Variants in EVPL observed in about 807,000 individuals in gnomAD.
The protein encoded by EVPL is 210 kDa cornified envelope precursor protein.
EVPL carries 94 observed loss-of-function variants against 129.7 expected under a neutral mutation model. That is an observed-to-expected ratio of 0.72 (90% CI 0.61 to 0.86). The LOEUF is 0.86. EVPL is among the 40% of genes least tolerant of loss of function. The pLI, the probability that EVPL is intolerant of heterozygous loss-of-function variation, is 0.00. For synonymous variants in EVPL, 1,172 were observed against 1,191.1 expected (o/e 0.98, Z 0.33); for missense variants, 2,625 against 2,721.1 (o/e 0.96, Z 0.79).
chr17:76,023,337 G>C lies in EVPL; in HGVS notation c.435C>G (p.Asp145Glu), dbSNP rs757879048. ...ALYEKMVLPP[D>E]VGPRVDWARV... ...GTGCCCAGTCGACCCTGGGTCCCAC[G>C]TCGGGGGGCAGCACCATCTTCTCGT... The change falls in exon 4 of 22, where the codon GAC becomes GAG. Residue 145 changes from aspartate to glutamate, a missense_variant. Around this residue, in one of 4 missense-constraint regions of EVPL, gnomAD observed 1,024 missense variants for 997.5 expected, o/e 1.03. Transcript: ENST00000301607. 1 of 1,613,902 alleles carries C rather than the reference G, an allele frequency of 6.2e-7. No homozygotes were observed. The highest frequency in any genetic ancestry group is 2.2e-5 in the East Asian group (1 of 44,864).
At chr17:76,023,136 T>C (rs2066474078) in intron 4 of EVPL, among the ~76,000 whole-genome samples, 156 bp downstream of exon 4, 1 of 152,064 alleles carries the variant, frequency 6.6e-6, no homozygotes, top group South Asian at 2.1e-4. Flanking sequence ...CTGCAGGAAG[T>C]CTTCCCTGAC....
intron 9 of EVPL, among the ~76,000 whole-genome samples, chr17:76,020,846 C>T (rs2066452506): frequency 1.3e-5 from 2 of 152,054 alleles, no homozygotes; most frequent in South Asian, 4.1e-4. Flanking sequence ...TGTGAGCCAC[C>T]ACACCTGGCC....
Position 76,009,595 on chromosome 17 carries a change from G to C in EVPL, c.3610C>G (p.Pro1204Ala). ...ERVHEIFQVDPETEQEITRLK... is the reference protein window; with the variant it reads ...ERVHEIFQVDAETEQEITRLK... Reference sequence around the variant, plus strand: ...CGAGTGATCTCCTGCTCTGTCTCCGGATCCACCTGGAAGATCTCGTGGACG... The same window carrying C: ...CGAGTGATCTCCTGCTCTGTCTCCGCATCCACCTGGAAGATCTCGTGGACG... Residue 1204 changes from proline to alanine, a missense_variant, in exon 22 of 22, where the codon CCG becomes GCG. Physicochemically the swap from Pro to Ala is conservative, Grantham distance 27. Around this residue, in one of 4 missense-constraint regions of EVPL, gnomAD observed 1,453 missense variants for 1,511.8 expected, o/e 0.96. Transcript: ENST00000301607. The surrounding 1 kb of genome is among the most constrained non-coding windows in gnomAD (Gnocchi z 5.9). 6.2e-7 allele frequency: 1 copy of C among 1,613,998 alleles called. No homozygotes were observed. Among genetic ancestry groups the C allele is most frequent in the South Asian group, 1.1e-5 (1 of 91,076 alleles).
At position 76,007,278 on chromosome 17, in the gene EVPL, G is replaced by C; in HGVS notation, c.5927C>G (p.Ser1976Cys). The change falls in exon 22 of 22, where the codon TCC becomes TGC. Residue 1976 changes from serine (S) to cysteine (C), a missense_variant. Physicochemically the swap from Ser to Cys is moderately radical, Grantham distance 112 (BLOSUM62 -1). Around this residue, in one of 4 missense-constraint regions of EVPL, gnomAD observed 1,453 missense variants for 1,511.8 expected, o/e 0.96. Coordinates refer to ENST00000301607, the MANE Select transcript of EVPL (RefSeq NM_001988.4). This position sits in a 1 kb window ranked among gnomAD's most constrained non-coding sequence, Gnocchi z 8.8. Reference protein sequence around the residue: ...EELAQLLQDESSYEKDLTDPI... With the variant: ...EELAQLLQDECSYEKDLTDPI... ...GTCTGTCAAATCCTTCTCGTAGCTG[G>C]ACTCGTCCTGCAGGAGCTGGGCCAG... 3 of 1,557,810 alleles carry C rather than the reference G, an allele frequency of 1.9e-6. No homozygotes were observed. Among genetic ancestry groups the C allele is most frequent in the Non-Finnish European group, 2.6e-6 (3 of 1,150,192 alleles).
intron 8 of EVPL, 43 bp from the exon 9 acceptor site, chr17:76,021,606 C>CCCGGGGG: frequency 7.5e-7 from 1 of 1,336,578 alleles, no homozygotes; most frequent in Non-Finnish European, 9.9e-7. Context: ...GCCCCCCCCA[C>CCCGGGGG]GTCCGCCCCA....
In EVPL at chr17:76,022,366, A is replaced by G. The variant is rs1305213382; in HGVS notation, c.606+47T>C. ...TCTAGCTCCGGCTCTGACTGGAGAA[A>G]CGGGCTGGGGCTGGCCCCGGATGTG... On this transcript the variant is annotated intron_variant, in intron 5 of 21. Transcript: ENST00000301607. The surrounding 1 kb of genome is among the most constrained non-coding windows in gnomAD (Gnocchi z 5.6). 2.5e-5 allele frequency: 41 copies of G among 1,611,318 alleles called. No individual in the cohort carries two copies. The highest frequency in any genetic ancestry group is 3.5e-5 in the Non-Finnish European group (41 of 1,178,984).
rs148130546 is a variant in EVPL, at chr17:76,024,956, A to G, written c.99-836T>C. 0.018 allele frequency among the ~76,000 whole-genome samples: 2,689 copies of G among 152,274 alleles called. 37 individuals carry two copies. The highest frequency in any genetic ancestry group is 0.026 in the Non-Finnish European group (1,775 of 67,994). ...TGAGCACAGTGCCTTATGGGGGATC[A>G]TTATGCTGGGGCAGGAGAAGCCTTG... is the stretch of plus-strand genomic sequence containing the variant. On this transcript the variant is annotated intron_variant, in intron 1 of 21. Coordinates refer to ENST00000301607, the MANE Select transcript of EVPL (RefSeq NM_001988.4). This position sits in a 1 kb window ranked among gnomAD's most constrained non-coding sequence, Gnocchi z 4.5.
Position 76,010,693 on chromosome 17 carries a change from G to C in EVPL, c.2662-150C>G, listed in dbSNP as rs554809954. 3.5e-6 allele frequency: 3 copies of C among 852,598 alleles called. No individual in the cohort carries two copies. The African/African-American group carries it at 5.1e-5, about 15-fold the overall frequency. The allele number at this position is 852,598 out of a possible 1,614,324, so 52.8% of individuals were successfully genotyped here. On this transcript the variant is annotated intron_variant, in intron 21 of 21. Coordinates refer to ENST00000301607, the MANE Select transcript of EVPL (RefSeq NM_001988.4). ...TGAAGACCTAAGATGCTTGGATATA[G>C]GATTTTGAGAAGACCCAGTCAATGC...
Position 76,022,552 on chromosome 17 carries a change from G to A in EVPL, c.481-14C>T, listed in dbSNP as rs755060403. The A allele has an allele frequency of 1.7e-5, 27 of 1,593,682 alleles. No homozygotes were observed. Among genetic ancestry groups the A allele is most frequent in the Middle Eastern group, 1.7e-4 (1 of 6,054 alleles). The stretch of plus-strand genomic sequence containing the variant: ...GCAGACCTGCTTCTGCAGGAGAGCC[G>A]GCGGCTCAGTCCCCAAAGGACCGCG... On this transcript the variant is annotated splice_polypyrimidine_tract_variant and intron_variant, in intron 4 of 21. Transcript: ENST00000301607. This position sits in a 1 kb window ranked among gnomAD's most constrained non-coding sequence, Gnocchi z 5.6.
rs376838915 is a variant in EVPL, at chr17:76,009,825, A to C, written c.3380T>G (p.Ile1127Ser). The C allele has an allele frequency of 1.2e-6, 2 of 1,613,714 alleles. No individual in the cohort carries two copies. The highest frequency in any genetic ancestry group is 2.7e-5 in the African/African-American group (2 of 74,848). Residue 1127 changes from isoleucine (I) to serine (S), a missense_variant, in exon 22 of 22, where the codon ATC becomes AGC. By Grantham distance (142) the Ile-to-Ser change is moderately radical. Transcript: ENST00000301607. This position sits in a 1 kb window ranked among gnomAD's most constrained non-coding sequence, Gnocchi z 5.9. ...GATGACCTTGGGCTCCACCGAGCTGATAGCCCGCTCCAGGTCTTCGATGCG... is the reference window on the plus strand; with the variant it reads ...GATGACCTTGGGCTCCACCGAGCTGCTAGCCCGCTCCAGGTCTTCGATGCG... Reference protein sequence around the residue: ...QARIEDLERAISSVEPKVIVK... With the variant: ...QARIEDLERASSSVEPKVIVK...
rs773097110 is a variant in EVPL, at chr17:76,019,639, G to A, written c.1026C>T (p.Ala342=). 12 of 1,610,946 alleles carry A rather than the reference G, an allele frequency of 7.4e-6. No individual in the cohort carries two copies. The highest frequency in any genetic ancestry group is 1.7e-5 in the Admixed American group (1 of 59,734). The change falls in exon 10 of 22, where the codon GCC becomes GCT. Residue 342 remains alanine, a synonymous_variant. Transcript: ENST00000301607. ...VEDYRRFQEE[A]DSVSQTLAKL... ...TCGCCAGGGTCTGGCTGACTGAGTC[G>A]GCCTCTTCCTGGAACTGAGTTCACT...
At position 76,022,259 on chromosome 17, in the gene EVPL, G is replaced by A. The variant is rs767570960; in HGVS notation, c.607-32C>T. Reference sequence around the variant, plus strand: ...CGACCAAGGGGAGAAACAAGCCCGTGAGAGGTGGGGTGCAGGGAGACGGCC... The same window carrying A: ...CGACCAAGGGGAGAAACAAGCCCGTAAGAGGTGGGGTGCAGGGAGACGGCC... On this transcript the variant is annotated intron_variant, in intron 5 of 21. Transcript: ENST00000301607. This position sits in a 1 kb window ranked among gnomAD's most constrained non-coding sequence, Gnocchi z 5.6. 1 of 1,612,416 alleles carries A rather than the reference G, an allele frequency of 6.2e-7. No individual in the cohort carries two copies. Among genetic ancestry groups the A allele is most frequent in the Non-Finnish European group, 8.5e-7 (1 of 1,179,598 alleles).
chr17:76,012,310 CT>C (rs11371360), intron 18 of EVPL: 6,529 of 383,196 alleles, frequency 0.017, no homozygotes, highest in Middle Eastern at 0.027. Flanking sequence ...CCTTTCTTTC[CT>C]TTTTTTTTTT....
chr17:76,018,600 C>G lies in EVPL; in HGVS notation c.1285G>C (p.Val429Leu). The G allele has an allele frequency of 6.3e-7, 1 of 1,594,980 alleles. No homozygotes were observed. The highest frequency in any genetic ancestry group is 8.5e-7 in the Non-Finnish European group (1 of 1,169,906). Reference protein sequence around the residue: ...DSICDWDSGEVQLLQGERYKL... With the variant: ...DSICDWDSGELQLLQGERYKL... ...TACCGCTCACCCTGCAGCAGCTGCA[C>G]CTGGGGGCACAGAAAGGGAGCAGCT... Residue 429 changes from valine to leucine, a missense_variant and splice_region_variant, in exon 12 of 22, where the codon GTG becomes CTG. By Grantham distance (32) the Val-to-Leu change is conservative (BLOSUM62 1). This residue lies in a region of EVPL where 1,024 missense variants were observed against 997.5 expected (regional missense o/e 1.03). Transcript: ENST00000301607.
At chr17:76,012,308 T>G in intron 18 of EVPL, 1 of 432,504 alleles carries the variant, frequency 2.3e-6, no homozygotes, top group South Asian at 3.3e-5. Flanking sequence ...TCCCTTTCTT[T>G]CCTTTTTTTT....
In EVPL at chr17:76,010,073, C is replaced by T; in HGVS notation, c.3132G>A (p.Gly1044=). 2 of 1,613,578 alleles carry T rather than the reference C, an allele frequency of 1.2e-6. No homozygotes were observed. Among genetic ancestry groups the T allele is most frequent in the Non-Finnish European group, 8.5e-7 (1 of 1,180,034 alleles). ...GCCGGGCCGAGATGACGGCATCCTC[C>T]CCGCGGAGCTGCTGGATCTGGATCC... ...QLRIQIQQLR[G]EDAVISARLE... is the part of the protein sequence containing the mutation. Residue 1044 remains glycine (G), a synonymous_variant, in exon 22 of 22, where the codon GGG becomes GGA. Transcript: ENST00000301607.
intron 18 of EVPL, among the ~76,000 whole-genome samples, chr17:76,012,476 G>A (rs2066385313): frequency 6.6e-6 from 1 of 152,030 alleles, no homozygotes; most frequent in South Asian, 2.1e-4. Flanking sequence ...TATATTTTTA[G>A]TAGAGATGGG....
At chr17:76,025,681 G>A (rs1177756045) in intron 1 of EVPL, among the ~76,000 whole-genome samples, 1 of 152,218 alleles carries the variant, frequency 6.6e-6, no homozygotes, top group Non-Finnish European at 1.5e-5. Flanking sequence ...CAGACACCCA[G>A]CCTCGGTGTC....
In EVPL at chr17:76,018,444, A is replaced by G; in HGVS notation, c.1439+2T>C. 1 of 1,610,810 alleles carries G rather than the reference A, an allele frequency of 6.2e-7. No individual in the cohort carries two copies. On this transcript the variant is annotated splice_donor_variant, in intron 12 of 21. Coordinates refer to ENST00000301607, the MANE Select transcript of EVPL (RefSeq NM_001988.4). LOFTEE classifies it high-confidence loss of function. Reference sequence around the variant, plus strand: ...CCCCTGAGTATCCCTACACAGACCTACCGGGAGGCCCTGGCCACAGCATCA... The same window carrying G: ...CCCCTGAGTATCCCTACACAGACCTGCCGGGAGGCCCTGGCCACAGCATCA...
Sources: allele counts gnomAD v4.1 joint callset (sites outside exome capture counted in the v4.1 genomes callset), GRCh38; gene constraint gnomAD v4.1.1; regional missense constraint gnomAD v4.1.1; non-coding constraint Gnocchi (gnomAD v3.1); transcripts MANE v1.5; gene names NCBI Gene and HGNC (gene_info 2026-07-23, HGNC 2026-07-21).